The following ZNF343 variants were observed in gnomAD, a reference collection of about 807,000 sequenced individuals.
ZNF343 encodes the protein zinc finger protein 343.
In ZNF343, 11 loss-of-function variants were observed where a neutral mutation model predicts 13.8. That is an observed-to-expected ratio of 0.80 (90% CI 0.50 to 1.32). ZNF343 has a LOEUF of 1.32. ZNF343 is among the 40% of genes most tolerant of loss of function. The pLI is 0.00. For synonymous variants in ZNF343, 248 were observed against 260.0 expected, an observed-to-expected ratio of 0.95 and a Z score of 0.44; for missense variants, 658 against 714.2, an observed-to-expected ratio of 0.92 and a Z score of 0.90.
upstream of ZNF343, among the ~76,000 whole-genome samples, chr20:2,524,887 C>T (rs1006759958): frequency 4.6e-5 from 7 of 152,236 alleles, no homozygotes; most frequent in Admixed American, 4.6e-4. Flanking sequence ...AGCCACCGCG[C>T]CCGCTGGCTC....
At chr20:2,484,977 T>G (rs1344930615) in intron 5 of ZNF343, among the ~76,000 whole-genome samples, 1 of 152,152 alleles carries the variant, frequency 6.6e-6, no homozygotes, top group Non-Finnish European at 1.5e-5. Flanking sequence ...CTCTTTGTTC[T>G]GCTTGGAGAT....
At chr20:2,515,196 TTAATGTA>T (rs2085754246) in intron 1 of ZNF343, among the ~76,000 whole-genome samples, 1 of 152,214 alleles carries the variant, frequency 6.6e-6, no homozygotes, top group African/African-American at 2.4e-5. Context: ...TACATTGATA[TTAATGTA>T]AACTTTAAAC....
At position 2,482,611 on chromosome 20, in the gene ZNF343, A is replaced by C. The variant is rs1266212602; in HGVS notation, c.*550T>G. ...ATCTCTGGAATGCATCTCTGCCAGC[A>C]GCAACACTGTTCTCTCAAGCAGCTG... On this transcript the variant is annotated 3_prime_UTR_variant, in exon 6 of 6. Coordinates refer to ENST00000278772, the MANE Select transcript of ZNF343 (RefSeq NM_024325.6). 1 of 157,574 alleles carries C rather than the reference A, an allele frequency of 6.3e-6. No individual in the cohort carries two copies. Among genetic ancestry groups the C allele is most frequent in the African/African-American group, 2.4e-5 (1 of 41,446 alleles). 9.8% of individuals were successfully genotyped at this position (157,574 alleles called of 1,614,324 possible).
intron 5 of ZNF343, among the ~76,000 whole-genome samples, chr20:2,485,352 C>G (rs539431450): frequency 3.9e-5 from 6 of 152,312 alleles, no homozygotes; most frequent in African/African-American, 1.2e-4. Flanking sequence ...TTTTCATTTA[C>G]AGCAGCACCT....
chr20:2,496,013 C>A (rs1335778118), intron 2 of ZNF343, among the ~76,000 whole-genome samples: 1 of 152,102 alleles, frequency 6.6e-6, no homozygotes, highest in Non-Finnish European at 1.5e-5. Flanking sequence ...TGGGACACTG[C>A]CACAAATGCA....
rs141848679 is a variant in ZNF343, at chr20:2,497,392, G to A, written c.-150+3264C>T. On this transcript the variant is annotated intron_variant, in intron 2 of 5. Transcript: ENST00000278772. ...TAGGAGGCCAGGGAAAAAAAGAACC[G>A]TCAGGGAAGACAGAGAAGTAGCCTG... Among the ~76,000 whole-genome samples, 11 of 152,250 alleles carry A rather than the reference G, an allele frequency of 7.2e-5. No individual in the cohort carries two copies. In the East Asian group the frequency reaches 7.7e-4, roughly 11 times the overall value.
chr20:2,490,049 C>T lies in ZNF343; in HGVS notation c.304+2650G>A, dbSNP rs1403066360. On this transcript the variant is annotated intron_variant, in intron 5 of 5. Coordinates refer to ENST00000278772, the MANE Select transcript of ZNF343 (RefSeq NM_024325.6). Reference sequence around the variant, plus strand: ...AAAGGAAAGGGGAAGGGGGAAAAAGCGAACAAAGGGGAAAATGGAAAGAGG... The same window carrying T: ...AAAGGAAAGGGGAAGGGGGAAAAAGTGAACAAAGGGGAAAATGGAAAGAGG... 4.0e-5 allele frequency among the ~76,000 whole-genome samples: 6 copies of T among 150,696 alleles called. No homozygotes were observed. In the East Asian group the frequency reaches 5.8e-4, roughly 15 times the overall value.
At chr20:2,492,622 AT>A in intron 5 of ZNF343, 76 bp downstream of exon 5, 3 of 1,549,928 alleles carry the variant, frequency 1.9e-6, no homozygotes, top group Non-Finnish European at 1.7e-6. Flanking sequence ...TATCTAGAAC[AT>A]TTTTTTGTGG....
upstream of ZNF343, among the ~76,000 whole-genome samples, chr20:2,510,371 T>C (rs536678167): frequency 6.6e-6 from 1 of 152,344 alleles, no homozygotes; most frequent in South Asian, 2.1e-4. Context: ...TTCAATATTA[T>C]TTGGTAATAA....
chr20:2,510,241 A>G (rs2122745654), upstream of ZNF343, among the ~76,000 whole-genome samples: 1 of 152,338 alleles, frequency 6.6e-6, no homozygotes, highest in Non-Finnish European at 1.5e-5. Context: ...GGGGCAAATT[A>G]CCATTAATTT....
At position 2,485,646 on chromosome 20, in the gene ZNF343, A is replaced by G. The variant is rs140532432; in HGVS notation, c.305-990T>C. On this transcript the variant is annotated intron_variant, in intron 5 of 5. Coordinates refer to ENST00000278772, the MANE Select transcript of ZNF343 (RefSeq NM_024325.6). ...ATTTTTCCCCCTTGCCAAACTATAC[A>G]GTGAATTTCTTCACTGCTGTGTCTC... Among the ~76,000 whole-genome samples the G allele has an allele frequency of 1.4e-4, 21 of 152,368 alleles. No homozygotes were observed. The East Asian group carries it at 4.0e-3, about 29-fold the overall frequency.
chr20:2,503,522 C>T (rs1404686335), intron 1 of ZNF343, among the ~76,000 whole-genome samples: 1 of 152,214 alleles, frequency 6.6e-6, no homozygotes, highest in Non-Finnish European at 1.5e-5. Context: ...CTCAGCACCA[C>T]ACCGCACTTA....
Position 2,508,649 on chromosome 20 carries a change from G to A in ZNF343, c.-237+232C>T, listed in dbSNP as rs1004851701. Among the ~76,000 whole-genome samples, 10 of 152,128 alleles carry A rather than the reference G, an allele frequency of 6.6e-5. No individual in the cohort carries two copies. Among genetic ancestry groups the A allele is most frequent in the Non-Finnish European group, 8.8e-5 (6 of 68,006 alleles). On this transcript the variant is annotated intron_variant, in intron 1 of 5. Coordinates refer to ENST00000278772, the MANE Select transcript of ZNF343 (RefSeq NM_024325.6). This position sits in a 1 kb window ranked among gnomAD's most constrained non-coding sequence, Gnocchi z 4.5. ...GTTCTAGGTCACTCTCGTCCCCCCG[G>A]GGGGAAAAAAGGTCCGCGGAGGTCC... is the stretch of plus-strand genomic sequence containing the variant.
intron 5 of ZNF343, among the ~76,000 whole-genome samples, chr20:2,488,306 G>A (rs2085313944): frequency 6.6e-6 from 1 of 151,632 alleles, no homozygotes; most frequent in South Asian, 2.1e-4. Flanking sequence ...TGTATGGTGT[G>A]TGGTATATGG....
upstream of ZNF343, among the ~76,000 whole-genome samples, chr20:2,511,503 C>T (rs1284606529): frequency 2.0e-5 from 3 of 152,144 alleles, no homozygotes; most frequent in Non-Finnish European, 2.9e-5. Flanking sequence ...TGATCTGGAG[C>T]CCTCCCTCAG....
chr20:2,483,055 T>G lies in ZNF343; in HGVS notation c.*106A>C. 1 of 1,331,602 alleles carries G rather than the reference T, an allele frequency of 7.5e-7. No homozygotes were observed. Among genetic ancestry groups the G allele is most frequent in the Non-Finnish European group, 1.0e-6 (1 of 978,504 alleles). 82.5% of individuals were successfully genotyped at this position (1,331,602 alleles called of 1,614,324 possible). A position where few individuals can be genotyped will look rare whatever the true frequency, so the allele number is the denominator to read the frequency against. ...CACATCTCTGGAACTTCACTCACAA[T>G]CTGTGTACACAGGGTCTACTCCCCA... On this transcript the variant is annotated 3_prime_UTR_variant, in exon 6 of 6. Coordinates refer to ENST00000278772, the MANE Select transcript of ZNF343 (RefSeq NM_024325.6).
At chr20:2,512,720 G>T (rs2085743756), upstream of ZNF343, among the ~76,000 whole-genome samples, 1 of 152,034 alleles carries the variant, frequency 6.6e-6, no homozygotes, top group African/African-American at 2.4e-5. Context: ...AAGCATAAGG[G>T]TTAATTTTCA....
intron 2 of ZNF343, among the ~76,000 whole-genome samples, chr20:2,499,441 G>C (rs1273743039): frequency 4.1e-5 from 4 of 98,156 alleles, no homozygotes; most frequent in African/African-American, 1.5e-4. Context: ...CTCCAGCCTG[G>C]GCGACAGAGC....
chr20:2,491,615 A>G (rs769921039), intron 5 of ZNF343, among the ~76,000 whole-genome samples: 1 of 152,202 alleles, frequency 6.6e-6, no homozygotes, highest in Non-Finnish European at 1.5e-5. Context: ...ATACATAAAC[A>G]TTATATTAAA....
Sources: allele counts gnomAD v4.1 joint callset (sites outside exome capture counted in the v4.1 genomes callset), GRCh38; gene constraint gnomAD v4.1.1; non-coding constraint Gnocchi (gnomAD v3.1); transcripts MANE v1.5; gene names NCBI Gene and HGNC (gene_info 2026-07-23, HGNC 2026-07-21).